The following ADGRL3 variants were observed in gnomAD, a reference collection of about 807,000 sequenced individuals.
The protein encoded by ADGRL3 is calcium-independent alpha-latrotoxin receptor 3.
ADGRL3 carries 62 observed loss-of-function variants against 153.5 expected under a neutral mutation model. That is an observed-to-expected ratio of 0.40 (90% CI 0.33 to 0.50). The LOEUF (loss-of-function observed/expected upper bound fraction) is 0.50, where lower values mean the gene tolerates loss of function less well. Ranked by LOEUF, ADGRL3 falls within the 20% of genes least tolerant of loss-of-function variation. ADGRL3 has a pLI of 0.47. For missense variants in ADGRL3, 1,641 were observed against 1,859.4 expected (o/e 0.88, Z 2.16); for synonymous variants, 710 against 672.5 (o/e 1.06, Z -0.86).
chr4:61,727,885 A>G (rs1003238686), intron 6 of ADGRL3, among the ~76,000 whole-genome samples: 5 of 152,060 alleles, frequency 3.3e-5, no homozygotes, highest in African/African-American at 1.2e-4. Context: ...GTTCAATGTT[A>G]TTTGGATTAT....
chr4:61,992,532 G>C (rs987036649), intron 19 of ADGRL3, among the ~76,000 whole-genome samples: 3 of 152,148 alleles, frequency 2.0e-5, no homozygotes, highest in African/African-American at 7.2e-5. Context: ...AACAACAGCA[G>C]GTGTGGCCAT....
rs139783400 is a variant in ADGRL3, at chr4:61,714,600, G to A, written c.584-16022G>A. 9.0e-3 allele frequency among the ~76,000 whole-genome samples: 1,377 copies of A among 152,198 alleles called. 30 individuals carry two copies. Among genetic ancestry groups the A allele is most frequent in the African/African-American group, 0.031 (1,306 of 41,524 alleles). On this transcript the variant is annotated intron_variant, in intron 6 of 26. Coordinates refer to ENST00000683033, the MANE Select transcript of ADGRL3 (RefSeq NM_001387552.1). The stretch of plus-strand genomic sequence containing the variant: ...TGCTTGGTAGGCACCCTAGCCATCT[G>A]CTTGTGTGCTGTGGATGTCATACTG...
chr4:61,949,386 A>G (rs994326204), intron 17 of ADGRL3, among the ~76,000 whole-genome samples: 1 of 152,220 alleles, frequency 6.6e-6, no homozygotes, highest in African/African-American at 2.4e-5. Flanking sequence ...CATAAACTAA[A>G]TGGATAATTG....
At chr4:61,603,347 G>T (rs909165303) in intron 5 of ADGRL3, among the ~76,000 whole-genome samples, 1 of 152,136 alleles carries the variant, frequency 6.6e-6, no homozygotes, top group Non-Finnish European at 1.5e-5. Context: ...TTAGGGAAGG[G>T]TTTCACTATA....
intron 1 of ADGRL3, among the ~76,000 whole-genome samples, chr4:61,329,080 C>T (rs2095520877): frequency 6.6e-6 from 1 of 152,118 alleles, no homozygotes; most frequent in African/African-American, 2.4e-5. Context: ...CTAAATTGAG[C>T]AGACATGAAG....
At chr4:61,925,511 T>C (rs577111340) in intron 13 of ADGRL3, among the ~76,000 whole-genome samples, 1 of 152,322 alleles carries the variant, frequency 6.6e-6, no homozygotes, top group African/African-American at 2.4e-5. Flanking sequence ...TGCTCATGAT[T>C]CTGCAGGCTC....
At position 61,685,406 on chromosome 4, in the gene ADGRL3, T is replaced by TA. The variant is rs923589445; in HGVS notation, c.583+8480dup. 8.6e-5 allele frequency among the ~76,000 whole-genome samples: 13 copies of TA among 151,358 alleles called. No individual in the cohort carries two copies. The East Asian group carries it at 1.4e-3, about 16-fold the overall frequency. ...TACATGTAAATATCAAAGTTAATGTTAAAAAAAAATCAAAACTTCATGGTA... is the reference window on the plus strand; with the variant it reads ...TACATGTAAATATCAAAGTTAATGTTAAAAAAAAAATCAAAACTTCATGGTA... On this transcript the variant is annotated intron_variant, in intron 6 of 26. Transcript: ENST00000683033.
chr4:62,025,750 G>A (rs1009720513), intron 21 of ADGRL3, among the ~76,000 whole-genome samples: 2 of 152,040 alleles, frequency 1.3e-5, no homozygotes, highest in Non-Finnish European at 1.5e-5. Context: ...CTTAACATCT[G>A]CTAAGAACAT....
rs866051142 is a variant in ADGRL3, at chr4:62,037,849, G to A, written c.3710G>A (p.Gly1237Asp). The A allele has an allele frequency of 1.4e-5, 23 of 1,613,534 alleles. No homozygotes were observed. Among genetic ancestry groups the A allele is most frequent in the African/African-American group, 4.0e-5 (3 of 74,902 alleles). ...GSRTPGRYST[G>D]SQSRIRRMWN... is the part of the protein sequence containing the mutation. ...CGAACTCCTGGACGCTACTCCACAG[G>A]CTCACAGGTAAACAATATTTGTTCA... The change falls in exon 24 of 27, where the codon GGC becomes GAC. Residue 1237 changes from glycine (G) to aspartate (D), a missense_variant. Coordinates refer to ENST00000683033, the MANE Select transcript of ADGRL3 (RefSeq NM_001387552.1).
In ADGRL3 at chr4:61,983,496, T is replaced by C; in HGVS notation, c.3129T>C (p.Ser1043=). ...TCATGCTGGTGGAGGTTTTTGAGAG[T>C]GAACATTCACGTAGGAAATACTTTT... ...LYIMLVEVFE[S]EHSRRKYFYL... is the part of the protein sequence containing the mutation. Residue 1043 remains serine (S), a synonymous_variant, in exon 19 of 27, where the codon AGT becomes AGC. Transcript: ENST00000683033. The C allele has an allele frequency of 6.2e-7, 1 of 1,613,892 alleles. No homozygotes were observed.
In ADGRL3 at chr4:62,037,837, G is replaced by A. The variant is rs1725937785; in HGVS notation, c.3698G>A (p.Arg1233His). The A allele has an allele frequency of 6.2e-6, 10 of 1,613,646 alleles. No individual in the cohort carries two copies. Among genetic ancestry groups the A allele is most frequent in the East Asian group, 2.2e-5 (1 of 44,800 alleles). Residue 1233 changes from arginine to histidine, a missense_variant, in exon 24 of 27, where the codon CGC (arginine) becomes CAC (histidine). Coordinates refer to ENST00000683033, the MANE Select transcript of ADGRL3 (RefSeq NM_001387552.1). ...GKTSGSRTPG[R>H]YSTGSQSRIR... Reference sequence around the variant, plus strand: ...ACATCTGGTTCTCGAACTCCTGGACGCTACTCCACAGGCTCACAGGTAAAC... The same window carrying A: ...ACATCTGGTTCTCGAACTCCTGGACACTACTCCACAGGCTCACAGGTAAAC...
intron 1 of ADGRL3, among the ~76,000 whole-genome samples, chr4:61,236,387 T>G (rs1371690934): frequency 6.6e-6 from 1 of 152,094 alleles, no homozygotes; most frequent in African/African-American, 2.4e-5. Context: ...ACCCTGGAGC[T>G]TTTTCTTTGG....
chr4:61,328,439 G>T (rs980929199), intron 1 of ADGRL3, among the ~76,000 whole-genome samples: 1 of 152,068 alleles, frequency 6.6e-6, no homozygotes, highest in Non-Finnish European at 1.5e-5. Context: ...TATGTTAAAG[G>T]ATATCCTCCT....
chr4:61,372,525 A>C (rs558915690), intron 1 of ADGRL3, among the ~76,000 whole-genome samples: 20 of 152,202 alleles, frequency 1.3e-4, no homozygotes, highest in Admixed American at 5.2e-4. Flanking sequence ...CATGGTGCCT[A>C]CCAGTTAGGC....
At position 61,509,624 on chromosome 4, in the gene ADGRL3, G is replaced by A. The variant is rs1603148; in HGVS notation, c.56-7691G>A. ...ATTCTTCCATGCTGTGTGTGTGTGC[G>A]TGTGTATATATATATATATAATTTT... is the stretch of plus-strand genomic sequence containing the variant. On this transcript the variant is annotated intron_variant, in intron 3 of 26. Transcript: ENST00000683033. 9.3e-3 allele frequency among the ~76,000 whole-genome samples: 1,406 copies of A among 151,672 alleles called. 29 individuals carry two copies. Among genetic ancestry groups the A allele is most frequent in the African/African-American group, 0.032 (1,333 of 41,240 alleles).
At chr4:61,785,224 A>G (rs1394647385) in intron 8 of ADGRL3, among the ~76,000 whole-genome samples, 1 of 152,198 alleles carries the variant, frequency 6.6e-6, no homozygotes, top group Non-Finnish European at 1.5e-5. Flanking sequence ...CATTCTTCCT[A>G]AAAGGAGCAT....
Position 62,076,437 on chromosome 4 carries a change from CT to C in ADGRL3, c.*5531del, listed in dbSNP as rs1166523414. 2.6e-5 allele frequency: 4 copies of C among 152,014 alleles called. No homozygotes were observed. The highest frequency in any genetic ancestry group is 7.2e-5 in the African/African-American group (3 of 41,406). 9.4% of individuals were successfully genotyped at this position (152,014 alleles called of 1,614,324 possible). A position where few individuals can be genotyped will look rare whatever the true frequency, so the allele number is the denominator to read the frequency against. The stretch of plus-strand genomic sequence containing the variant: ...AATCTCTATTGGGATAAACAAGTCT[CT>C]TCAACCACAATATGAACAACGGAAG... On this transcript the variant is annotated 3_prime_UTR_variant, in exon 27 of 27. Transcript: ENST00000683033.
Position 61,930,951 on chromosome 4 carries a change from T to C in ADGRL3, c.2113-3889T>C, listed in dbSNP as rs932320599. Among the ~76,000 whole-genome samples, 5 of 152,128 alleles carry C rather than the reference T, an allele frequency of 3.3e-5. No individual in the cohort carries two copies. The East Asian group carries it at 9.6e-4, about 29-fold the overall frequency. On this transcript the variant is annotated intron_variant, in intron 13 of 26. Transcript: ENST00000683033. ...CAGATGTCATAGTGTGTGAATAAAA[T>C]ATACAATACATAAATGTATAAGGAA...
intron 9 of ADGRL3, among the ~76,000 whole-genome samples, chr4:61,846,687 T>TA (rs1183963115): frequency 1.3e-5 from 2 of 152,090 alleles, no homozygotes; most frequent in African/African-American, 4.8e-5. Flanking sequence ...AAAAGAGGTT[T>TA]AATTGGCTCA....
Sources: gnomAD v4.1 joint callset for allele counts (sites outside exome capture counted in the v4.1 genomes callset) on GRCh38, gnomAD v4.1.1 for gene constraint, MANE v1.5 for transcripts, NCBI Gene and HGNC (gene_info 2026-07-23, HGNC 2026-07-21) for gene names.